SPTB: variants seen among roughly 807,000 people sequenced by gnomAD.
SPTB encodes the protein spectrin beta chain, erythrocytic.
In SPTB, 45 loss-of-function variants were observed where a neutral mutation model predicts 256.2. The observed-to-expected ratio is 0.18, with a 90% CI of 0.14 to 0.23. The LOEUF (loss-of-function observed/expected upper bound fraction) is 0.23. SPTB is among the 10% of genes least tolerant of loss of function. The pLI, the probability that SPTB is intolerant of heterozygous loss-of-function variation, is 1.00. For synonymous variants in SPTB, 1,231 were observed against 1,243.1 expected (o/e 0.99, Z 0.21); for missense variants, 2,715 against 3,040.4 (o/e 0.89, Z 2.52).
chr14:64,785,933 A>T lies in SPTB; in HGVS notation c.3580T>A (p.Leu1194Met). The T allele has an allele frequency of 6.2e-7, 1 of 1,614,072 alleles. No individual in the cohort carries two copies. Among genetic ancestry groups the T allele is most frequent in the Non-Finnish European group, 8.5e-7 (1 of 1,180,010 alleles). ...GCTTCCAGGGAGTCTGGGGGCTCCAAGTGAGCCAGAGTGTATTCCTGTTGG... is the reference window on the plus strand; with the variant it reads ...GCTTCCAGGGAGTCTGGGGGCTCCATGTGAGCCAGAGTGTATTCCTGTTGG... The part of the protein sequence containing the change: ...LSNQEYTLAH[L>M]EPPDSLEAAE... Residue 1194 changes from leucine (L) to methionine (M), a missense_variant, in exon 17 of 36, where the codon TTG becomes ATG. By Grantham distance (15) the Leu-to-Met change is conservative. Coordinates refer to ENST00000644917, the MANE Select transcript of SPTB (RefSeq NM_001355436.2). This position sits in a 1 kb window ranked among gnomAD's most constrained non-coding sequence, Gnocchi z 4.4.
intron 1 of SPTB, among the ~76,000 whole-genome samples, chr14:64,859,089 T>C (rs2083918044): frequency 1.3e-5 from 2 of 151,408 alleles, no homozygotes; most frequent in Admixed American, 1.3e-4. Context: ...CAAAACCCCA[T>C]CTCTACACAA....
intron 1 of SPTB, among the ~76,000 whole-genome samples, chr14:64,861,832 C>T (rs954566294): frequency 1.3e-5 from 2 of 152,202 alleles, no homozygotes; most frequent in African/African-American, 2.4e-5. Flanking sequence ...ACAGCCTTCA[C>T]GTACTCCTTT....
At chr14:64,757,644 G>A (rs1249499299) in intron 32 of SPTB, 1 of 152,274 alleles carries the variant, frequency 6.6e-6, no homozygotes, top group African/African-American at 2.4e-5. Flanking sequence ...CTTCCTCTCT[G>A]GGAGGGGGGA....
intron 1 of SPTB, among the ~76,000 whole-genome samples, chr14:64,846,232 A>G (rs1184686538): frequency 6.6e-6 from 1 of 152,214 alleles, no homozygotes; most frequent in African/African-American, 2.4e-5. Flanking sequence ...ACTCTGCCCC[A>G]GAAGTAGAGT....
At chr14:64,780,862 G>A (rs576542333) in intron 20 of SPTB, among the ~76,000 whole-genome samples, 51 of 152,254 alleles carry the variant, frequency 3.3e-4, no homozygotes, top group African/African-American at 1.2e-3. Flanking sequence ...GCATGGTATT[G>A]GTACAAAAAC....
rs921799164 is a variant in SPTB, at chr14:64,873,786, C to T, written c.-52+6006G>A. Among the ~76,000 whole-genome samples the T allele has an allele frequency of 4.6e-5, 7 of 152,154 alleles. No individual in the cohort carries two copies. The highest frequency in any genetic ancestry group is 1.7e-4 in the African/African-American group (7 of 41,434). ...CAGAACTAGGCAACTGGGTCAAAGT[C>T]AGGTTTTGGAATAAACTACTAGAGG... is the stretch of plus-strand genomic sequence containing the variant. On this transcript the variant is annotated intron_variant, in intron 1 of 35. Transcript: ENST00000644917. This position sits in a 1 kb window ranked among gnomAD's most constrained non-coding sequence, Gnocchi z 4.3.
At position 64,758,536 on chromosome 14, in the gene SPTB, G is replaced by A. The variant is rs182357669; in HGVS notation, c.6346-4743C>T. 3.9e-5 allele frequency among the ~76,000 whole-genome samples: 6 copies of A among 152,394 alleles called. No homozygotes were observed. Among genetic ancestry groups the A allele is most frequent in the East Asian group, 1.9e-4 (1 of 5,190 alleles). On this transcript the variant is annotated intron_variant, in intron 32 of 35. Transcript: ENST00000644917. This position sits in a 1 kb window ranked among gnomAD's most constrained non-coding sequence, Gnocchi z 4.6. ...CCCAGGTCCGGCCAAAGACAACGGC[G>A]TGCTGCTGAGTGGAGGGCTCTGGTA... is the stretch of plus-strand genomic sequence containing the variant.
intron 32 of SPTB, chr14:64,756,157 C>T (rs896862738): frequency 6.6e-6 from 1 of 152,314 alleles, no homozygotes; most frequent in East Asian, 1.9e-4. Flanking sequence ...GCTCATCTTT[C>T]GAGCAGCCTG....
intron 1 of SPTB, among the ~76,000 whole-genome samples, chr14:64,846,827 G>T (rs543313845): frequency 1.3e-5 from 2 of 152,282 alleles, no homozygotes; most frequent in African/African-American, 4.8e-5. Flanking sequence ...GCTAACAGTA[G>T]AAGTCAACTG....
rs2082690459 is a variant in SPTB at position 64,792,458 on chromosome 14, G to T, written c.2666+539C>A. 1.3e-5 allele frequency among the ~76,000 whole-genome samples: 2 copies of T among 152,200 alleles called. No individual in the cohort carries two copies. Among genetic ancestry groups the T allele is most frequent in the Non-Finnish European group, 1.5e-5 (1 of 68,042 alleles). Reference sequence around the variant, plus strand: ...CGGCCTCTCCTTCTCCTGACTGCCTGAATTCTGTGCTTCAGCTGCTGAGAT... The same window carrying T: ...CGGCCTCTCCTTCTCCTGACTGCCTTAATTCTGTGCTTCAGCTGCTGAGAT... On this transcript the variant is annotated intron_variant, in intron 14 of 35. Transcript: ENST00000644917. This position sits in a 1 kb window ranked among gnomAD's most constrained non-coding sequence, Gnocchi z 4.2.
At chr14:64,774,955 G>T (rs1225445399) in intron 23 of SPTB, among the ~76,000 whole-genome samples, 170 bp downstream of exon 23, 2 of 152,164 alleles carry the variant, frequency 1.3e-5, no homozygotes, top group African/African-American at 4.8e-5. Flanking sequence ...CCCTGCAGGG[G>T]TGTGTTCAAG....
intron 1 of SPTB, among the ~76,000 whole-genome samples, chr14:64,875,434 G>T (rs979359510): frequency 6.6e-6 from 1 of 152,064 alleles, no homozygotes; most frequent in Non-Finnish European, 1.5e-5. Context: ...TTTACCAAGG[G>T]GAGTTGGCAA....
At chr14:64,789,628 C>T (rs79331263) in intron 15 of SPTB, among the ~76,000 whole-genome samples, 19,314 of 152,120 alleles carry the variant, frequency 0.13, 1,799 homozygotes, top group African/African-American at 0.26. Context: ...GAAAATAATA[C>T]TCTAAACAGC....
chr14:64,854,274 C>CT (rs1206368948), intron 1 of SPTB, among the ~76,000 whole-genome samples: 40,247 of 73,232 alleles, frequency 0.55, 15,881 homozygotes, highest in South Asian at 0.69. Context: ...TTTCCAAACT[C>CT]TTTTTTTTTT....
chr14:64,749,895 C>T lies in SPTB; in HGVS notation c.6776+86G>A. 6.3e-7 allele frequency: 1 copy of T among 1,575,648 alleles called. No individual in the cohort carries two copies. Among genetic ancestry groups the T allele is most frequent in the African/African-American group, 1.3e-5 (1 of 74,196 alleles). On this transcript the variant is annotated intron_variant, in intron 34 of 35. Transcript: ENST00000644917. The surrounding 1 kb of genome is among the most constrained non-coding windows in gnomAD (Gnocchi z 4.7). ...CCTGAGGAGCAGCTCAGGCCTGGCACTGGTCCCCTACAGAGGGCCTCTGCC... is the reference window on the plus strand; with the variant it reads ...CCTGAGGAGCAGCTCAGGCCTGGCATTGGTCCCCTACAGAGGGCCTCTGCC...
At chr14:64,833,241 T>C (rs558417456) in intron 1 of SPTB, among the ~76,000 whole-genome samples, 1 of 152,260 alleles carries the variant, frequency 6.6e-6, no homozygotes, top group African/African-American at 2.4e-5. Context: ...CAGCCCAGCC[T>C]CATTTCCTTC....
At position 64,796,503 on chromosome 14, in the gene SPTB, G is replaced by A; in HGVS notation, c.1341+54C>T. 2 of 1,611,862 alleles carry A rather than the reference G, an allele frequency of 1.2e-6. No individual in the cohort carries two copies. The highest frequency in any genetic ancestry group is 1.7e-6 in the Non-Finnish European group (2 of 1,179,010). On this transcript the variant is annotated intron_variant, in intron 11 of 35. Coordinates refer to ENST00000644917, the MANE Select transcript of SPTB (RefSeq NM_001355436.2). This position sits in a 1 kb window ranked among gnomAD's most constrained non-coding sequence, Gnocchi z 4.1. ...TTGGACTCCAGCCCAGCCAAGAGCT[G>A]GGGGCTCTGAAGAATGTCCCCTCTC...
At chr14:64,801,175 G>T in intron 7 of SPTB, 110 bp downstream of exon 7, 2 of 904,834 alleles carry the variant, frequency 2.2e-6, no homozygotes, top group Non-Finnish European at 3.4e-6. Flanking sequence ...CCCACAGCTT[G>T]CCCAGCACCT....
intron 1 of SPTB, among the ~76,000 whole-genome samples, chr14:64,870,880 C>T (rs780225168): frequency 2.0e-5 from 3 of 152,148 alleles, no homozygotes; most frequent in Non-Finnish European, 4.4e-5. Context: ...AGAAGCAACC[C>T]AAGTGTCCAT....
Sources: gnomAD v4.1 joint callset for allele counts (sites outside exome capture counted in the v4.1 genomes callset) on GRCh38, gnomAD v4.1.1 for gene constraint, Gnocchi (gnomAD v3.1) non-coding constraint, MANE v1.5 for transcripts, NCBI Gene and HGNC (gene_info 2026-07-23, HGNC 2026-07-21) for gene names.